MAN2A1: variants seen among roughly 807,000 people sequenced by gnomAD.
MAN2A1 encodes the protein mannosidase alpha class 2A member 1.
MAN2A1 carries 76 observed loss-of-function variants against 142.6 expected under a neutral mutation model. That is an observed-to-expected ratio of 0.53 (90% CI 0.44 to 0.65). MAN2A1 has a LOEUF of 0.65. Among genes scored for constraint, MAN2A1 ranks in the 30% least tolerant of loss-of-function variants. MAN2A1 has a pLI of 0.00. For synonymous variants in MAN2A1, 559 were observed against 473.2 expected (o/e 1.18, Z -2.35); for missense variants, 1,311 against 1,365.1 (o/e 0.96, Z 0.62).
chr5:109,703,598 T>C (rs1370960), intron 1 of MAN2A1, among the ~76,000 whole-genome samples: 57,644 of 151,758 alleles, frequency 0.38, 11,870 homozygotes, highest in African/African-American at 0.55. Context: ...GTCGGTGTGG[T>C]TTTTAAAAAA....
rs74740074 is a variant in MAN2A1 at position 109,720,138 on chromosome 5, C to G, written c.535+3874C>G. On this transcript the variant is annotated intron_variant, in intron 3 of 21. Transcript: ENST00000261483. ...CTGAAATATTTGGTTAATTTTACTT[C>G]AAAGAAGTCACAGTGTGTGGAGAGA... 6.6e-3 allele frequency among the ~76,000 whole-genome samples: 1,007 copies of G among 152,206 alleles called. 17 individuals are homozygous for G. The highest frequency in any genetic ancestry group is 0.023 in the African/African-American group (942 of 41,520).
chr5:109,704,325 T>G (rs1180893110), intron 1 of MAN2A1, among the ~76,000 whole-genome samples: 1 of 152,220 alleles, frequency 6.6e-6, no homozygotes, highest in East Asian at 1.9e-4. Context: ...TGCAATTTGG[T>G]AAGGTATTCT....
chr5:109,757,292 T>C (rs928958696), intron 5 of MAN2A1, among the ~76,000 whole-genome samples: 7 of 152,196 alleles, frequency 4.6e-5, no homozygotes, highest in African/African-American at 1.2e-4. Context: ...ACCTCCGTTA[T>C]GAATGTTTTT....
Position 109,868,421 on chromosome 5 carries a change from A to G in MAN2A1, c.*1423A>G, listed in dbSNP as rs767405641. ...TTTAGACTATGCAATTTTAGCATAG[A>G]AAGGAGTCTTTGAGTATGTACAGTT... On this transcript the variant is annotated 3_prime_UTR_variant, in exon 22 of 22. Coordinates refer to ENST00000261483, the MANE Select transcript of MAN2A1 (RefSeq NM_002372.4). 1 of 152,222 alleles carries G rather than the reference A, an allele frequency of 6.6e-6. No individual in the cohort carries two copies. The highest frequency in any genetic ancestry group is 1.5e-5 in the Non-Finnish European group (1 of 68,038). 9.4% of individuals were successfully genotyped at this position (152,222 alleles called of 1,614,324 possible). A position where few individuals can be genotyped will look rare whatever the true frequency, so the allele number is the denominator to read the frequency against.
chr5:109,762,429 A>T (rs1349549943), intron 5 of MAN2A1, among the ~76,000 whole-genome samples: 2 of 152,140 alleles, frequency 1.3e-5, no homozygotes, highest in African/African-American at 4.8e-5. Context: ...ATGTGCACAC[A>T]TACATACATT....
At chr5:109,804,062 C>T in intron 12 of MAN2A1, 1 of 511,530 alleles carries the variant, frequency 2.0e-6, no homozygotes, top group Non-Finnish European at 2.5e-6. Context: ...AATTATTAAC[C>T]CAAAGCAGTT....
At chr5:109,819,938 C>T in intron 14 of MAN2A1, 51 bp downstream of exon 14, 1 of 1,294,486 alleles carries the variant, frequency 7.7e-7, no homozygotes, top group Non-Finnish European at 1.1e-6. Flanking sequence ...ATTTTTGCTA[C>T]AATGTGTGTA....
At chr5:109,784,187 C>A (rs1315788079) in intron 9 of MAN2A1, among the ~76,000 whole-genome samples, 2 of 152,120 alleles carry the variant, frequency 1.3e-5, no homozygotes, top group Admixed American at 1.3e-4. Context: ...TTGTTAAATT[C>A]TCTGTATTTG....
intron 3 of MAN2A1, among the ~76,000 whole-genome samples, chr5:109,725,969 T>G (rs1751732519): frequency 6.6e-6 from 1 of 152,216 alleles, no homozygotes; most frequent in South Asian, 2.1e-4. Context: ...GAACTTGTAA[T>G]TATGCACTCT....
chr5:109,730,150 A>G (rs1316620553), intron 4 of MAN2A1, among the ~76,000 whole-genome samples: 3 of 152,192 alleles, frequency 2.0e-5, no homozygotes, highest in African/African-American at 7.2e-5. Context: ...GAAAGTATCA[A>G]TTTATTTGCT....
At chr5:109,796,457 A>T (rs1166681880) in intron 12 of MAN2A1, among the ~76,000 whole-genome samples, 2 of 152,212 alleles carry the variant, frequency 1.3e-5, no homozygotes, top group Non-Finnish European at 2.9e-5. Flanking sequence ...TTTCAGCTCA[A>T]CTTTAACTCT....
intron 1 of MAN2A1, among the ~76,000 whole-genome samples, chr5:109,711,029 T>C (rs2112558584): frequency 6.6e-6 from 1 of 152,332 alleles, no homozygotes; most frequent in South Asian, 2.1e-4. Context: ...GGTTTCACCA[T>C]GTTGGCCAGG....
At chr5:109,704,386 A>G (rs1378214269) in intron 1 of MAN2A1, among the ~76,000 whole-genome samples, 3 of 152,212 alleles carry the variant, frequency 2.0e-5, no homozygotes, top group African/African-American at 7.2e-5. Context: ...ATTTCTTTGA[A>G]TGGACAAGTG....
At chr5:109,781,925 A>G (rs932336306) in intron 9 of MAN2A1, among the ~76,000 whole-genome samples, 1 of 152,188 alleles carries the variant, frequency 6.6e-6, no homozygotes, top group African/African-American at 2.4e-5. Context: ...TGACACCATC[A>G]TGAGTGTCTG....
At chr5:109,820,668 G>A (rs1408311502) in intron 15 of MAN2A1, among the ~76,000 whole-genome samples, 2 of 152,140 alleles carry the variant, frequency 1.3e-5, no homozygotes, top group African/African-American at 4.8e-5. Flanking sequence ...AATTAGGCAT[G>A]GTGGCCTGCA....
chr5:109,866,764 A>C, intron 21 of MAN2A1, 82 bp from the exon 22 acceptor site: 1 of 873,184 alleles, frequency 1.1e-6, no homozygotes, highest in Admixed American at 2.4e-5. Context: ...TCCTTCTCAT[A>C]CTAATTTTCA....
At chr5:109,753,596 T>G (rs1185651612) in intron 4 of MAN2A1, among the ~76,000 whole-genome samples, 1 of 152,232 alleles carries the variant, frequency 6.6e-6, no homozygotes, top group East Asian at 1.9e-4. Flanking sequence ...TTTTTAGAAA[T>G]TACGTCCATT....
intron 12 of MAN2A1, among the ~76,000 whole-genome samples, chr5:109,807,494 C>T (rs926585184): frequency 5.3e-5 from 8 of 152,180 alleles, no homozygotes; most frequent in African/African-American, 1.9e-4. Context: ...TCTGGCGGCT[C>T]TGAGGGGAGA....
intron 5 of MAN2A1, among the ~76,000 whole-genome samples, chr5:109,756,753 T>G (rs1051329847): frequency 6.6e-6 from 1 of 152,224 alleles, no homozygotes; most frequent in African/African-American, 2.4e-5. Flanking sequence ...AGGCCTTGCT[T>G]GCAAGATTGG....
Sources: gnomAD v4.1 joint callset for allele counts (sites outside exome capture counted in the v4.1 genomes callset) on GRCh38, gnomAD v4.1.1 for gene constraint, MANE v1.5 for transcripts, NCBI Gene and HGNC (gene_info 2026-07-23, HGNC 2026-07-21) for gene names.